CHD2: variants seen among roughly 807,000 people sequenced by gnomAD.
The protein encoded by CHD2 is ATP-dependent chromatin remodeler CHD2.
Under a neutral mutation model 243.9 loss-of-function variants are expected in CHD2, and 28 were observed. That is an observed-to-expected ratio of 0.11 (90% CI 0.09 to 0.16). The LOEUF (loss-of-function observed/expected upper bound fraction) is 0.16, where lower values mean the gene tolerates loss of function less well. Ranked by LOEUF, CHD2 falls within the 10% of genes least tolerant of loss-of-function variation. CHD2 has a pLI of 1.00. For missense variants in CHD2, 1,386 were observed against 2,209.8 expected (o/e 0.63, Z 7.47); for synonymous variants, 775 against 779.0 (o/e 0.99, Z 0.09).
intron 2 of CHD2, among the ~76,000 whole-genome samples, chr15:92,907,413 T>C (rs1266145896): frequency 1.3e-5 from 2 of 152,190 alleles, no homozygotes; most frequent in Admixed American, 1.3e-4. Flanking sequence ...ATCACTGATC[T>C]TGAAGGAGAG....
At chr15:92,926,390 T>A (rs2053062562) in intron 3 of CHD2, among the ~76,000 whole-genome samples, 2 of 152,238 alleles carry the variant, frequency 1.3e-5, no homozygotes, top group Non-Finnish European at 2.9e-5. Flanking sequence ...ATATTTCTCA[T>A]CTCAGCTTTT....
At position 93,024,559 on chromosome 15, in the gene CHD2, C is replaced by G. The variant is rs771637309; in HGVS notation, c.5341C>G (p.His1781Asp). Reference protein sequence around the residue: ...GEYKQPLPPLHPAVSDPRSPP... With the variant: ...GEYKQPLPPLDPAVSDPRSPP... Reference sequence around the variant, plus strand: ...ATATAAACAGCCTCTACCCCCATTGCACCCTGCAGTCTCAGATCCTCGCTC... The same window carrying G: ...ATATAAACAGCCTCTACCCCCATTGGACCCTGCAGTCTCAGATCCTCGCTC... Residue 1781 changes from histidine (H) to aspartate (D), a missense_variant, in exon 39 of 39, where the codon CAC becomes GAC. This residue lies in a region of CHD2 where 347 missense variants were observed against 341.6 expected (regional missense o/e 1.02). Coordinates refer to ENST00000394196, the MANE Select transcript of CHD2 (RefSeq NM_001271.4). The G allele has an allele frequency of 3.7e-6, 6 of 1,614,228 alleles. No homozygotes were observed. In the Admixed American group the frequency reaches 1.0e-4, roughly 27 times the overall value.
In CHD2 at chr15:93,002,351, C is replaced by T. The variant is rs756437535; in HGVS notation, c.4278+34C>T. The stretch of plus-strand genomic sequence containing the variant: ...GCCCTTCTGTTCATGCAGATATCCA[C>T]AGCCTTTGCAATTCGCCATTTGGAT... On this transcript the variant is annotated intron_variant, in intron 33 of 38. Coordinates refer to ENST00000394196, the MANE Select transcript of CHD2 (RefSeq NM_001271.4). 3.8e-6 allele frequency: 6 copies of T among 1,569,982 alleles called. No individual in the cohort carries two copies. The African/African-American group carries it at 4.2e-5, about 11-fold the overall frequency.
In CHD2 at chr15:92,900,355, G is replaced by C. The variant is rs1190598306; in HGVS notation, c.-541G>C. Reference sequence around the variant, plus strand: ...GGGAAGGAGGCTCTAGATGGCGGCTGTGCCTTAGAGAGAGCGCGCTCTGCT... The same window carrying C: ...GGGAAGGAGGCTCTAGATGGCGGCTCTGCCTTAGAGAGAGCGCGCTCTGCT... On this transcript the variant is annotated 5_prime_UTR_variant, in exon 1 of 39. Coordinates refer to ENST00000394196, the MANE Select transcript of CHD2 (RefSeq NM_001271.4). 2.8e-5 allele frequency: 11 copies of C among 387,774 alleles called. No homozygotes were observed. Among genetic ancestry groups the C allele is most frequent in the Non-Finnish European group, 4.5e-5 (10 of 220,064 alleles). 24.0% of individuals were successfully genotyped at this position (387,774 alleles called of 1,614,324 possible). A position where few individuals can be genotyped will look rare whatever the true frequency, so the allele number is the denominator to read the frequency against.
intron 2 of CHD2, among the ~76,000 whole-genome samples, chr15:92,903,450 G>C (rs1165902498): frequency 6.6e-6 from 1 of 152,144 alleles, no homozygotes; most frequent in African/African-American, 2.4e-5. Context: ...GGTAAATCTG[G>C]TAATACCCTG....
intron 34 of CHD2, 146 bp downstream of exon 34, chr15:93,004,897 A>G (rs915255573): frequency 3.0e-5 from 24 of 809,392 alleles, no homozygotes; most frequent in East Asian, 8.3e-5. Flanking sequence ...TCGGAAGACC[A>G]TGTGCTCTTC....
chr15:92,971,628 A>C, intron 17 of CHD2, 137 bp from the exon 18 acceptor site: 1 of 562,906 alleles, frequency 1.8e-6, no homozygotes, highest in Non-Finnish European at 3.0e-6. Flanking sequence ...ATACAAAAGA[A>C]AATATTCTTT....
chr15:92,991,351 A>G (rs933037594), intron 26 of CHD2, 125 bp from the exon 27 acceptor site: 1 of 564,726 alleles, frequency 1.8e-6, no homozygotes, highest in African/African-American at 1.9e-5. Flanking sequence ...TGGTAGTGCA[A>G]GGATTGAGTC....
At position 92,998,101 on chromosome 15, in the gene CHD2, G is replaced by T; in HGVS notation, c.3886-398G>T. On this transcript the variant is annotated intron_variant, in intron 30 of 38. Coordinates refer to ENST00000394196, the MANE Select transcript of CHD2 (RefSeq NM_001271.4). The surrounding 1 kb of genome is among the most constrained non-coding windows in gnomAD (Gnocchi z 5.1). ...TCCTGGCGTAGCTCAGTGCTCTCCG[G>T]CAATGCTCTAAGAAGCATTTTCAAT... The T allele has an allele frequency of 6.2e-6, 5 of 801,942 alleles. No individual in the cohort carries two copies. The highest frequency in any genetic ancestry group is 7.6e-6 in the Non-Finnish European group (5 of 656,202). 49.7% of individuals were successfully genotyped at this position (801,942 alleles called of 1,614,324 possible).
rs746200715 is a variant in CHD2, at chr15:93,024,403, G to A, written c.5185G>A (p.Asp1729Asn). ...HHHDSKRRRSDEFRPQNYHQQ... is the reference protein window; with the variant it reads ...HHHDSKRRRSNEFRPQNYHQQ... ...TCATGACTCCAAGCGGAGGAGATCCGATGAATTTAGGCCTCAAAATTACCA... is the reference window on the plus strand; with the variant it reads ...TCATGACTCCAAGCGGAGGAGATCCAATGAATTTAGGCCTCAAAATTACCA... Residue 1729 changes from aspartate (D) to asparagine (N), a missense_variant, in exon 39 of 39, where the codon GAT (aspartate) becomes AAT (asparagine). Asp to Asn is a conservative substitution (Grantham distance 23). Coordinates refer to ENST00000394196, the MANE Select transcript of CHD2 (RefSeq NM_001271.4). The A allele has an allele frequency of 4.3e-6, 7 of 1,614,028 alleles. No homozygotes were observed. The highest frequency in any genetic ancestry group is 1.1e-5 in the South Asian group (1 of 91,062).
intron 37 of CHD2, among the ~76,000 whole-genome samples, chr15:93,015,420 C>G (rs2054447081): frequency 6.6e-6 from 1 of 152,160 alleles, no homozygotes; most frequent in South Asian, 2.1e-4. Flanking sequence ...AAGAACCCAG[C>G]TAACATGAAC....
intron 37 of CHD2, among the ~76,000 whole-genome samples, chr15:93,017,927 T>C (rs966734281): frequency 1.3e-5 from 2 of 152,254 alleles, no homozygotes; most frequent in Non-Finnish European, 2.9e-5. Context: ...TCACTTATTT[T>C]ATATTCTGAA....
chr15:92,987,556 C>T (rs1379836374), intron 26 of CHD2, among the ~76,000 whole-genome samples: 2 of 150,818 alleles, frequency 1.3e-5, no homozygotes, highest in Non-Finnish European at 2.9e-5. Context: ...TGCAGTGAGC[C>T]GAGATGGCAC....
chr15:92,952,467 A>G (rs1248423161), intron 13 of CHD2, among the ~76,000 whole-genome samples: 1 of 152,220 alleles, frequency 6.6e-6, no homozygotes, highest in African/African-American at 2.4e-5. Flanking sequence ...GGACGGTCCC[A>G]TCTGGGGGTG....
intron 3 of CHD2, among the ~76,000 whole-genome samples, chr15:92,926,294 G>C (rs1201088994): frequency 2.6e-5 from 4 of 152,164 alleles, no homozygotes; most frequent in Non-Finnish European, 5.9e-5. Flanking sequence ...ACAAGTCTCA[G>C]CTAGTGGCTT....
In CHD2 at chr15:93,026,703, G is replaced by C. The variant is rs1232117692; in HGVS notation, c.*1998G>C. The C allele has an allele frequency of 6.6e-6, 1 of 152,304 alleles. No homozygotes were observed. Among genetic ancestry groups the C allele is most frequent in the Non-Finnish European group, 1.5e-5 (1 of 68,090 alleles). The allele number at this position is 152,304 out of a possible 1,614,324, so 9.4% of individuals were successfully genotyped here. A position where few individuals can be genotyped will look rare whatever the true frequency, so the allele number is the denominator to read the frequency against. On this transcript the variant is annotated 3_prime_UTR_variant, in exon 39 of 39. Coordinates refer to ENST00000394196, the MANE Select transcript of CHD2 (RefSeq NM_001271.4). ...CACAGTGATGAGGAAACCACAGATGGAGCTTCTTGCCGATAATACTGACTC... is the reference window on the plus strand; with the variant it reads ...CACAGTGATGAGGAAACCACAGATGCAGCTTCTTGCCGATAATACTGACTC...
intron 2 of CHD2, among the ~76,000 whole-genome samples, chr15:92,912,330 C>T (rs562931802): frequency 3.3e-5 from 5 of 152,106 alleles, no homozygotes; most frequent in African/African-American, 9.6e-5. Context: ...GTTTATCTGC[C>T]GTCTCGGGGA....
At chr15:92,926,309 T>G (rs527774394) in intron 3 of CHD2, among the ~76,000 whole-genome samples, 22 of 152,332 alleles carry the variant, frequency 1.4e-4, no homozygotes, top group African/African-American at 4.8e-4. Context: ...TGGCTTCTTT[T>G]GTGCATGTTC....
intron 2 of CHD2, chr15:92,902,283 C>T (rs2141698595): frequency 2.5e-6 from 1 of 397,338 alleles, no homozygotes; most frequent in Non-Finnish European, 4.4e-6. Context: ...GTAATAAAGC[C>T]TCTAAGATGT....
Sources: allele counts gnomAD v4.1 joint callset (sites outside exome capture counted in the v4.1 genomes callset), GRCh38; gene constraint gnomAD v4.1.1; regional missense constraint gnomAD v4.1.1; non-coding constraint Gnocchi (gnomAD v3.1); transcripts MANE v1.5; gene names NCBI Gene and HGNC (gene_info 2026-07-23, HGNC 2026-07-21).